Variants in PPP2R2C observed in about 807,000 individuals in gnomAD.
PPP2R2C encodes protein phosphatase 2, regulatory subunit B, gamma.
Under a neutral mutation model 45.3 loss-of-function variants are expected in PPP2R2C, and 10 were observed. The ratio of observed to expected loss-of-function variants is 0.22; its 90% CI spans 0.14 to 0.37. PPP2R2C has a LOEUF of 0.37. PPP2R2C is among the 10% of genes least tolerant of loss of function. PPP2R2C has a pLI of 1.00. For missense variants in PPP2R2C, 308 were observed against 619.7 expected, an observed-to-expected ratio of 0.50 and a Z score of 5.34; for synonymous variants, 257 against 245.4, an observed-to-expected ratio of 1.05 and a Z score of -0.44.
chr4:6,377,926 C>T (rs1388028281), intron 3 of PPP2R2C, among the ~76,000 whole-genome samples: 3 of 152,190 alleles, frequency 2.0e-5, no homozygotes, highest in East Asian at 3.9e-4. Flanking sequence ...TAAACCAAGG[C>T]TCCTCCCACT....
intron 2 of PPP2R2C, among the ~76,000 whole-genome samples, chr4:6,531,383 C>T (rs1233968189): frequency 6.6e-6 from 1 of 152,116 alleles, no homozygotes; most frequent in East Asian, 1.9e-4. Context: ...AGCAAAAGGC[C>T]GAGGTGCAGG....
intron 1 of PPP2R2C, among the ~76,000 whole-genome samples, chr4:6,442,701 A>G (rs2108735532): frequency 6.6e-6 from 1 of 152,334 alleles, no homozygotes; most frequent in Admixed American, 6.5e-5. Context: ...TGTGGGGTAC[A>G]GTTTCAGTCT....
chr4:6,399,169 G>T (rs1353873444), intron 1 of PPP2R2C, among the ~76,000 whole-genome samples: 1 of 152,176 alleles, frequency 6.6e-6, no homozygotes, highest in Non-Finnish European at 1.5e-5. Context: ...AATTATGGGG[G>T]TGATTTCACA....
intron 1 of PPP2R2C, among the ~76,000 whole-genome samples, chr4:6,438,190 A>G (rs1235479968): frequency 3.3e-5 from 5 of 152,244 alleles, no homozygotes; most frequent in Non-Finnish European, 7.3e-5. Context: ...TACAGTTACT[A>G]TGACCATTGC....
At chr4:6,462,718 G>C (rs1173641571) in intron 1 of PPP2R2C, among the ~76,000 whole-genome samples, 2 of 152,212 alleles carry the variant, frequency 1.3e-5, no homozygotes, top group Non-Finnish European at 2.9e-5. Flanking sequence ...TGTGAGGTGG[G>C]ATAACAGCAC....
rs189711932 is a variant in PPP2R2C at position 6,368,904 on chromosome 4, T to G, written c.625+3619A>C. On this transcript the variant is annotated intron_variant, in intron 5 of 8. Coordinates refer to ENST00000382599, the MANE Select transcript of PPP2R2C (RefSeq NM_020416.4). The surrounding 1 kb of genome is among the most constrained non-coding windows in gnomAD (Gnocchi z 4.2). ...TGTTTACAGTACATCAATAGCTTCA[T>G]AGTTTCCCGTTCCCTGGAAGCAGGC... Among the ~76,000 whole-genome samples, 1 of 152,148 alleles carries G rather than the reference T, an allele frequency of 6.6e-6. No individual in the cohort carries two copies. Among genetic ancestry groups the G allele is most frequent in the African/African-American group, 2.4e-5 (1 of 41,422 alleles).
chr4:6,385,222 C>T (rs1027159596), intron 1 of PPP2R2C, among the ~76,000 whole-genome samples: 18 of 152,318 alleles, frequency 1.2e-4, no homozygotes, highest in African/African-American at 4.3e-4. Context: ...TCCCTGCAAA[C>T]ATCTACAGAA....
At chr4:6,552,798 C>T (rs1725227267) in intron 1 of PPP2R2C, among the ~76,000 whole-genome samples, 1 of 152,184 alleles carries the variant, frequency 6.6e-6, no homozygotes, top group South Asian at 2.1e-4. Context: ...CACAAACATC[C>T]TGCAAAAGTG....
At chr4:6,383,543 AC>A in intron 1 of PPP2R2C, 1 of 773,796 alleles carries the variant, frequency 1.3e-6, no homozygotes, top group Admixed American at 2.7e-5. Context: ...TTCCCTGGGT[AC>A]CAGCATGGCT....
chr4:6,492,534 A>G (rs1315353966), intron 2 of PPP2R2C, among the ~76,000 whole-genome samples: 1 of 152,146 alleles, frequency 6.6e-6, no homozygotes, highest in African/African-American at 2.4e-5. Context: ...CAGTGGCCCC[A>G]CGCCAACCCC....
intron 1 of PPP2R2C, chr4:6,535,466 C>T (rs1724574959): frequency 8.8e-6 from 8 of 907,182 alleles, no homozygotes; most frequent in African/African-American, 6.8e-5. Flanking sequence ...GCGAGCACCG[C>T]CACCCACGGC....
At chr4:6,456,304 ATTTCC>A (rs1560561402) in intron 1 of PPP2R2C, among the ~76,000 whole-genome samples, 1 of 35,602 alleles carries the variant, frequency 2.8e-5, no homozygotes, top group African/African-American at 1.0e-4. Flanking sequence ...GAAGGATGTT[ATTTCC>A]CCCCCCCCCC....
chr4:6,430,695 C>T (rs1027593002), intron 1 of PPP2R2C, among the ~76,000 whole-genome samples: 7 of 152,102 alleles, frequency 4.6e-5, no homozygotes, highest in Non-Finnish European at 1.0e-4. Flanking sequence ...GGGGCCAAGG[C>T]GGGTGGATCA....
chr4:6,531,079 G>A (rs776977809), intron 2 of PPP2R2C, among the ~76,000 whole-genome samples: 3 of 152,216 alleles, frequency 2.0e-5, no homozygotes, highest in Non-Finnish European at 4.4e-5. Context: ...ACCCCTCCTG[G>A]GGCCAGGAGC....
intron 1 of PPP2R2C, 112 bp from the exon 2 acceptor site, chr4:6,381,206 C>T (rs1715766657): frequency 1.3e-6 from 2 of 1,543,302 alleles, no homozygotes; most frequent in South Asian, 2.4e-5. Context: ...GCCCCACAGC[C>T]CTGGGCAGGA....
chr4:6,370,033 C>T (rs1350045034), intron 5 of PPP2R2C, among the ~76,000 whole-genome samples: 1 of 152,208 alleles, frequency 6.6e-6, no homozygotes, highest in African/African-American at 2.4e-5. Context: ...ACGGAATCCT[C>T]ACAGCAGCCC....
intron 2 of PPP2R2C, among the ~76,000 whole-genome samples, chr4:6,498,680 G>A (rs559654290): frequency 9.2e-5 from 14 of 152,192 alleles, no homozygotes; most frequent in African/African-American, 3.4e-4. Context: ...GGTGACGTTG[G>A]GGAGCAACAG....
chr4:6,455,844 C>T (rs769817592), intron 1 of PPP2R2C, among the ~76,000 whole-genome samples: 2 of 152,140 alleles, frequency 1.3e-5, no homozygotes, highest in Non-Finnish European at 2.9e-5. Context: ...CCCCCTGCTG[C>T]CTACTGCTGT....
intron 1 of PPP2R2C, among the ~76,000 whole-genome samples, chr4:6,403,436 C>T (rs1717578222): frequency 2.0e-5 from 3 of 152,182 alleles, no homozygotes; most frequent in Admixed American, 2.0e-4. Flanking sequence ...ACTTCAATCC[C>T]AGCTCTGTTT....
Sources: gnomAD v4.1 joint callset for allele counts (sites outside exome capture counted in the v4.1 genomes callset) on GRCh38, gnomAD v4.1.1 for gene constraint, Gnocchi (gnomAD v3.1) non-coding constraint, MANE v1.5 for transcripts, NCBI Gene and HGNC (gene_info 2026-07-23, HGNC 2026-07-21) for gene names.